Variants in TMEM230 observed in about 807,000 individuals in gnomAD.
TMEM230 encodes UPF0414 transmembrane protein C20orf30.
A neutral mutation model predicts 15.8 loss-of-function variants in TMEM230; 10 were observed. That is an observed-to-expected ratio of 0.63 (90% CI 0.39 to 1.07). TMEM230 has a LOEUF of 1.07. Ranked by LOEUF, TMEM230 falls within the 50% of genes least tolerant of loss-of-function variation. TMEM230 has a pLI of 0.01. For synonymous variants in TMEM230, 67 were observed against 76.9 expected, an observed-to-expected ratio of 0.87 and a Z score of 0.68; for missense variants, 165 against 193.3, an observed-to-expected ratio of 0.85 and a Z score of 0.87.
At chr20:5,112,912 G>C in intron 1 of TMEM230, 49 bp downstream of exon 1, 11 of 1,549,070 alleles carry the variant, frequency 7.1e-6, no homozygotes, top group Non-Finnish European at 9.6e-6. Context: ...GACACGCCCA[G>C]AGCCCGAGAG....
At chr20:5,065,095 T>G (rs576686038), downstream of TMEM230, among the ~76,000 whole-genome samples, 3 of 151,822 alleles carry the variant, frequency 2.0e-5, no homozygotes, top group Middle Eastern at 3.4e-3. Flanking sequence ...ATGAAAAATA[T>G]AGGAAGGCAG....
At chr20:5,099,191 AAAATAAAT>A (rs60562203), downstream of TMEM230, among the ~76,000 whole-genome samples, 343 of 112,776 alleles carry the variant, frequency 3.0e-3, 2 homozygotes, top group Non-Finnish European at 4.6e-3. Flanking sequence ...ACTCTGTCTC[AAAATAAAT>A]AAATAAATAA....
intron 4 of TMEM230, among the ~76,000 whole-genome samples, chr20:5,104,261 T>C (rs767059488): frequency 2.0e-5 from 3 of 152,238 alleles, no homozygotes; most frequent in African/African-American, 7.2e-5. Flanking sequence ...GGTCTCGCTA[T>C]GTTGCGCAGG....
At chr20:5,075,443 G>T (rs764930333) in intron 3 of TMEM230, among the ~76,000 whole-genome samples, 1 of 151,712 alleles carries the variant, frequency 6.6e-6, no homozygotes, top group Non-Finnish European at 1.5e-5. Flanking sequence ...CTAAAAAGAG[G>T]CCAGGCGCGG....
intron 3 of TMEM230, among the ~76,000 whole-genome samples, chr20:5,087,813 C>T (rs1264715390): frequency 2.1e-5 from 3 of 143,286 alleles, no homozygotes; most frequent in South Asian, 2.3e-4. Context: ...AAGAGGCATT[C>T]GGTGGAGTAG....
chr20:5,108,800 T>A (rs2090194810), intron 3 of TMEM230, among the ~76,000 whole-genome samples: 1 of 152,230 alleles, frequency 6.6e-6, no homozygotes, highest in Non-Finnish European at 1.5e-5. Context: ...GGATACAAAC[T>A]TAATAAATAC....
At chr20:5,066,091 T>G (rs2122518314), downstream of TMEM230, 1 of 152,372 alleles carries the variant, frequency 6.6e-6, no homozygotes. Flanking sequence ...ACCTCACAGC[T>G]TTGCTAAGTC....
intron 3 of TMEM230, among the ~76,000 whole-genome samples, chr20:5,078,028 G>GAC (rs11472439): frequency 0.049 from 7,518 of 152,220 alleles, 569 homozygotes; most frequent in African/African-American, 0.17. Context: ...CTTCATGAAT[G>GAC]ACACACAGAC....
chr20:5,095,873 G>A (rs2089651506), downstream of TMEM230, among the ~76,000 whole-genome samples: 1 of 152,208 alleles, frequency 6.6e-6, no homozygotes, highest in African/African-American at 2.4e-5. Context: ...ACTGAGGGGA[G>A]GTGAAAAAAT....
intron 3 of TMEM230, among the ~76,000 whole-genome samples, chr20:5,084,777 G>A (rs1175525347): frequency 6.6e-6 from 1 of 151,822 alleles, no homozygotes; most frequent in Non-Finnish European, 1.5e-5. Flanking sequence ...CAGGTAATCT[G>A]CCTGCCTCGG....
chr20:5,073,353 G>C (rs1317631150), intron 3 of TMEM230, among the ~76,000 whole-genome samples: 3 of 152,244 alleles, frequency 2.0e-5, no homozygotes, highest in Non-Finnish European at 4.4e-5. Flanking sequence ...GGGAGCCCTA[G>C]TTGAAGCAGC....
chr20:5,110,285 C>CA (rs1373737747), intron 2 of TMEM230, among the ~76,000 whole-genome samples: 1 of 150,958 alleles, frequency 6.6e-6, no homozygotes, highest in Non-Finnish European at 1.5e-5. Context: ...GTCTTGAACT[C>CA]AGTTTTTTTT....
downstream of TMEM230, among the ~76,000 whole-genome samples, chr20:5,067,734 C>T (rs2008016): frequency 0.59 from 84,917 of 143,382 alleles, 25,947 homozygotes; most frequent in East Asian, 0.84. Context: ...AGCCACCACA[C>T]CCGGCCTCCC....
intron 3 of TMEM230, among the ~76,000 whole-genome samples, chr20:5,070,797 C>G (rs1324734041): frequency 6.6e-6 from 1 of 152,174 alleles, no homozygotes; most frequent in Non-Finnish European, 1.5e-5. Context: ...GAGACAAGAT[C>G]TCACTGTTGC....
At chr20:5,076,068 C>T (rs1279951593) in intron 3 of TMEM230, among the ~76,000 whole-genome samples, 2 of 151,486 alleles carry the variant, frequency 1.3e-5, no homozygotes, top group Non-Finnish European at 2.9e-5. Flanking sequence ...GAGATAGTGT[C>T]ACTGCACTCC....
downstream of TMEM230, chr20:5,067,231 G>A (rs2088671305): frequency 6.6e-6 from 1 of 151,612 alleles, no homozygotes; most frequent in Non-Finnish European, 1.5e-5. Context: ...CTCATTGGTT[G>A]AGGGTTGTCC....
intron 3 of TMEM230, among the ~76,000 whole-genome samples, chr20:5,089,559 G>C (rs1422192556): frequency 1.3e-5 from 2 of 151,670 alleles, no homozygotes; most frequent in Non-Finnish European, 2.9e-5. Flanking sequence ...AAATTATCTG[G>C]GTGTGGTGGC....
At chr20:5,088,737 C>T (rs1278621253) in intron 3 of TMEM230, among the ~76,000 whole-genome samples, 4 of 151,790 alleles carry the variant, frequency 2.6e-5, no homozygotes, top group Non-Finnish European at 5.9e-5. Flanking sequence ...TGGTTTCAAA[C>T]TCCTGAGCTC....
rs2090392145 is a variant in TMEM230 at position 5,113,012 on chromosome 20, A to T, written c.17T>A (p.Leu6Gln). The T allele has an allele frequency of 6.5e-7, 1 of 1,549,462 alleles. No homozygotes were observed. The highest frequency in any genetic ancestry group is 1.4e-5 in the African/African-American group (1 of 73,078). The change falls in exon 1 of 5, where the codon CTG becomes CAG. Residue 6 changes from leucine (L) to glutamine (Q), a missense_variant. Leu to Gln is a moderately radical substitution (Grantham distance 113). Coordinates refer to ENST00000342308, the MANE Select transcript of TMEM230 (RefSeq NM_001009923.2). ...CACCCAGAGCTCGCCCACGGTTGGC[A>T]GCGCCCAAGGTTGCATGGCATGGCC...
Sources: allele counts gnomAD v4.1 joint callset (sites outside exome capture counted in the v4.1 genomes callset), GRCh38; gene constraint gnomAD v4.1.1; transcripts MANE v1.5; gene names NCBI Gene and HGNC (gene_info 2026-07-23, HGNC 2026-07-21).